The following ADAMTS16 variants were observed in gnomAD, a reference collection of about 807,000 sequenced individuals.
The protein encoded by ADAMTS16 is A disintegrin and metalloproteinase with thrombospondin motifs 16.
In ADAMTS16, 94 loss-of-function variants were observed where a neutral mutation model predicts 145.8. The ratio of observed to expected loss-of-function variants is 0.64; its 90% CI spans 0.55 to 0.77. The LOEUF (loss-of-function observed/expected upper bound fraction) is 0.77. Among genes scored for constraint, ADAMTS16 ranks in the 30% least tolerant of loss-of-function variants. ADAMTS16 has a pLI of 0.00. For synonymous variants in ADAMTS16, 659 were observed against 604.3 expected, an observed-to-expected ratio of 1.09 and a Z score of -1.33; for missense variants, 1,585 against 1,591.5, an observed-to-expected ratio of 1.00 and a Z score of 0.07.
intron 18 of ADAMTS16, 127 bp downstream of exon 18, chr5:5,262,910 A>G (rs1005743868): frequency 5.8e-6 from 8 of 1,383,028 alleles, no homozygotes; most frequent in African/African-American, 1.4e-5. Context: ...GTGGAGAAGC[A>G]AAGGGGACAA....
At chr5:5,190,677 C>T (rs989753053) in intron 7 of ADAMTS16, among the ~76,000 whole-genome samples, 33 of 152,110 alleles carry the variant, frequency 2.2e-4, no homozygotes, top group Non-Finnish European at 8.8e-5. Flanking sequence ...TCTAACTCTC[C>T]GTTTCTTCCC....
At chr5:5,188,405 G>A (rs1471273075) in intron 6 of ADAMTS16, among the ~76,000 whole-genome samples, 2 of 152,122 alleles carry the variant, frequency 1.3e-5, no homozygotes, top group Non-Finnish European at 2.9e-5. Flanking sequence ...GCCTTCATTT[G>A]GGACCCCCGT....
At chr5:5,282,650 G>A (rs1287017449) in intron 18 of ADAMTS16, among the ~76,000 whole-genome samples, 1 of 152,152 alleles carries the variant, frequency 6.6e-6, no homozygotes, top group Non-Finnish European at 1.5e-5. Flanking sequence ...TTCTTAGAAG[G>A]TTTAGGGCTC....
intron 3 of ADAMTS16, among the ~76,000 whole-genome samples, chr5:5,157,651 T>A (rs1279590324): frequency 6.6e-6 from 1 of 152,234 alleles, no homozygotes; most frequent in African/African-American, 2.4e-5. Context: ...TTTCTTTTAG[T>A]ATCCAAAATC....
intron 18 of ADAMTS16, among the ~76,000 whole-genome samples, chr5:5,300,391 A>T (rs1462731045): frequency 6.6e-6 from 1 of 150,474 alleles, no homozygotes; most frequent in African/African-American, 2.5e-5. Context: ...ACATGGAATT[A>T]AAAAAAAATC....
intron 10 of ADAMTS16, 105 bp downstream of exon 10, chr5:5,209,351 TGTC>T: frequency 7.4e-7 from 1 of 1,348,052 alleles, no homozygotes; most frequent in Non-Finnish European, 1.0e-6. Flanking sequence ...ACCTACCAAA[TGTC>T]AAATCCTGTA....
rs144451962 is a variant in ADAMTS16 at position 5,214,678 on chromosome 5, A to G, written c.1605+5432A>G. ...CTTGGCCTCCCAAAGTGCTGGGATT[A>G]CAGCTGTGAGCCACCGCACCCAGCT... is the stretch of plus-strand genomic sequence containing the variant. On this transcript the variant is annotated intron_variant, in intron 10 of 22. Transcript: ENST00000274181. Among the ~76,000 whole-genome samples, 4 of 152,368 alleles carry G rather than the reference A, an allele frequency of 2.6e-5. No individual in the cohort carries two copies. In the East Asian group the frequency reaches 7.7e-4, roughly 29 times the overall value.
At chr5:5,246,986 C>G (rs948487592) in intron 17 of ADAMTS16, among the ~76,000 whole-genome samples, 1 of 152,178 alleles carries the variant, frequency 6.6e-6, no homozygotes, top group Admixed American at 6.5e-5. Context: ...AGAGTCTCAG[C>G]TCAGCTGCAG....
rs969736743 is a variant in ADAMTS16, at chr5:5,214,043, C to T, written c.1605+4797C>T. On this transcript the variant is annotated intron_variant, in intron 10 of 22. Transcript: ENST00000274181. ...ACTGCTATCATCCACCTGGTATCCA[C>T]CTCCCAACAGCGGGGTCTGCAAAGT... Among the ~76,000 whole-genome samples the T allele has an allele frequency of 2.0e-5, 3 of 152,346 alleles. No individual in the cohort carries two copies. In the South Asian group the frequency reaches 6.2e-4, roughly 32 times the overall value.
At position 5,187,724 on chromosome 5, in the gene ADAMTS16, G is replaced by C; in HGVS notation, c.964-1G>C. ...TGACATGGATTTCCTGTCTTTTTCA[G>C]GTATCTGCTTTATTCAAAGATGGAA... On this transcript the variant is annotated splice_acceptor_variant, in intron 5 of 22. Transcript: ENST00000274181. LOFTEE classifies it high-confidence loss of function. The C allele has an allele frequency of 6.2e-7, 1 of 1,607,266 alleles. No individual in the cohort carries two copies. The highest frequency in any genetic ancestry group is 2.2e-5 in the East Asian group (1 of 44,784).
intron 17 of ADAMTS16, among the ~76,000 whole-genome samples, chr5:5,252,934 T>C (rs1579343671): frequency 6.6e-6 from 1 of 152,228 alleles, no homozygotes; most frequent in East Asian, 1.9e-4. Flanking sequence ...TGGTGCTCTT[T>C]ATCCCATTAT....
At chr5:5,189,821 T>C (rs1367897095) in intron 6 of ADAMTS16, 150 bp from the exon 7 acceptor site, 7 of 873,666 alleles carry the variant, frequency 8.0e-6, no homozygotes, top group African/African-American at 1.7e-5. Context: ...TTTTATAGAA[T>C]ACGTAAAATA....
chr5:5,239,149 A>G lies in ADAMTS16; in HGVS notation c.2155-2A>G, dbSNP rs779286998. Reference sequence around the variant, plus strand: ...TGACATGTGACCTCATGGGCCCTCCAGAGAGTTGGATGTGACAATGTCCTT... The same window carrying G: ...TGACATGTGACCTCATGGGCCCTCCGGAGAGTTGGATGTGACAATGTCCTT... On this transcript the variant is annotated splice_acceptor_variant, in intron 14 of 22. Coordinates refer to ENST00000274181, the MANE Select transcript of ADAMTS16 (RefSeq NM_139056.4). LOFTEE classifies it high-confidence loss of function. The G allele has an allele frequency of 8.5e-6, 13 of 1,536,504 alleles. No individual in the cohort carries two copies. The highest frequency in any genetic ancestry group is 5.6e-5 in the African/African-American group (4 of 71,760).
chr5:5,288,121 G>T (rs1021671376), intron 18 of ADAMTS16, among the ~76,000 whole-genome samples: 1 of 152,188 alleles, frequency 6.6e-6, no homozygotes, highest in Non-Finnish European at 1.5e-5. Context: ...GGAAGGAGTC[G>T]TCACAGCGGG....
At chr5:5,265,028 A>G (rs1365308086) in intron 18 of ADAMTS16, among the ~76,000 whole-genome samples, 1 of 152,154 alleles carries the variant, frequency 6.6e-6, no homozygotes, top group African/African-American at 2.4e-5. Context: ...CAGCCCACTC[A>G]TCAGGGGCTC....
At position 5,286,495 on chromosome 5, in the gene ADAMTS16, A is replaced by T. The variant is rs986506380; in HGVS notation, c.2790-16773A>T. The stretch of plus-strand genomic sequence containing the variant: ...GGAAGTTGGAAGTTGATTCCAAAGA[A>T]TGAAACAGTAATTGTTGTTTAACTA... On this transcript the variant is annotated intron_variant, in intron 18 of 22. Coordinates refer to ENST00000274181, the MANE Select transcript of ADAMTS16 (RefSeq NM_139056.4). 1.7e-4 allele frequency among the ~76,000 whole-genome samples: 26 copies of T among 152,240 alleles called. 1 individual carries two copies. The highest frequency in any genetic ancestry group is 5.8e-4 in the African/African-American group (24 of 41,464).
chr5:5,207,178 T>C (rs1035500948), intron 9 of ADAMTS16, among the ~76,000 whole-genome samples: 5 of 152,246 alleles, frequency 3.3e-5, no homozygotes, highest in African/African-American at 1.2e-4. Flanking sequence ...TTCTGATCTA[T>C]GGACATGAAA....
At chr5:5,144,759 G>T (rs1163774393) in intron 2 of ADAMTS16, among the ~76,000 whole-genome samples, 2 of 152,256 alleles carry the variant, frequency 1.3e-5, no homozygotes, top group Middle Eastern at 6.8e-3. Context: ...TACATCTCCT[G>T]CCACCTGTCC....
At chr5:5,202,895 C>T (rs1023665910) in intron 9 of ADAMTS16, among the ~76,000 whole-genome samples, 1 of 151,988 alleles carries the variant, frequency 6.6e-6, no homozygotes, top group African/African-American at 2.4e-5. Flanking sequence ...ATTACATGCT[C>T]GGGGAATAAT....
Sources: gnomAD v4.1 joint callset for allele counts (sites outside exome capture counted in the v4.1 genomes callset) on GRCh38, gnomAD v4.1.1 for gene constraint, MANE v1.5 for transcripts, NCBI Gene and HGNC (gene_info 2026-07-23, HGNC 2026-07-21) for gene names.